Variants in BLTP3B observed in about 807,000 individuals in gnomAD.
BLTP3B encodes UHRF1 (ICBP90) binding protein 1-like.
chr12:100,095,598 C>T, the BLTP3B span: 1 of 1,540,290 alleles, frequency 6.5e-7, no homozygotes, highest in Non-Finnish European at 8.8e-7. Flanking sequence ...AAAATACCAA[C>T]AATTCCTTCT....
At chr12:100,052,789 TG>T in the BLTP3B span, among the ~76,000 whole-genome samples, 1 of 134,526 alleles carries the variant, frequency 7.4e-6, no homozygotes, top group African/African-American at 3.2e-5. Context: ...TTTTCTTTTC[TG>T]TTTTTTTTTT....
At chr12:100,068,474 T>C in the BLTP3B span, among the ~76,000 whole-genome samples, 1 of 152,158 alleles carries the variant, frequency 6.6e-6, no homozygotes, top group African/African-American at 2.4e-5. Flanking sequence ...AAGGGGAATG[T>C]AATAAAAGTA....
At chr12:100,092,961 A>G in the BLTP3B span, 1 of 985,342 alleles carries the variant, frequency 1.0e-6, no homozygotes, top group South Asian at 4.7e-5. Context: ...CGGTACTACC[A>G]ACTGTCATTC....
chr12:100,109,501 C>A, the BLTP3B span, among the ~76,000 whole-genome samples: 1 of 152,126 alleles, frequency 6.6e-6, no homozygotes. Context: ...GCGTGGCTCA[C>A]ACCTATAATC....
the BLTP3B span, among the ~76,000 whole-genome samples, chr12:100,085,798 A>C: frequency 6.6e-6 from 1 of 152,062 alleles, no homozygotes; most frequent in Non-Finnish European, 1.5e-5. Flanking sequence ...ATCTACCAAT[A>C]CCAGATTGTT....
At chr12:100,108,598 C>G in the BLTP3B span, 1 of 1,475,408 alleles carries the variant, frequency 6.8e-7, no homozygotes, top group Non-Finnish European at 9.2e-7. Context: ...TTACTATACT[C>G]CAGAGTCATT....
the BLTP3B span, among the ~76,000 whole-genome samples, chr12:100,123,750 C>A: frequency 2.0e-5 from 3 of 148,192 alleles, no homozygotes; most frequent in East Asian, 4.4e-4. Context: ...GTTTAAACTG[C>A]CTTTTTTTTT....
chr12:100,055,281 C>T, the BLTP3B span, among the ~76,000 whole-genome samples: 5 of 152,110 alleles, frequency 3.3e-5, no homozygotes, highest in Non-Finnish European at 7.4e-5. Context: ...GTTTGCCTCA[C>T]CTTTAAAATG....
At chr12:100,122,057 C>T in the BLTP3B span, among the ~76,000 whole-genome samples, 1 of 151,786 alleles carries the variant, frequency 6.6e-6, no homozygotes, top group Admixed American at 6.6e-5. Context: ...ATTACTTAAG[C>T]CCAGGAGTTC....
chr12:100,066,312 C>G, the BLTP3B span, among the ~76,000 whole-genome samples: 2 of 152,164 alleles, frequency 1.3e-5, no homozygotes, highest in African/African-American at 4.8e-5. Context: ...CCTTGTGCAA[C>G]AGTAAACTAT....
At chr12:100,058,289 T>G in the BLTP3B span, 1 of 1,613,888 alleles carries the variant, frequency 6.2e-7, no homozygotes, top group Non-Finnish European at 8.5e-7. Context: ...TTTTGTCACT[T>G]GTTTCTGATC....
chr12:100,066,618 C>T, the BLTP3B span, among the ~76,000 whole-genome samples: 3 of 149,340 alleles, frequency 2.0e-5, no homozygotes, highest in East Asian at 1.9e-4. Flanking sequence ...ACGGTGAAAC[C>T]CTGTCTCTAC....
chr12:100,053,669 C>T, the BLTP3B span, among the ~76,000 whole-genome samples: 1 of 152,080 alleles, frequency 6.6e-6, no homozygotes, highest in East Asian at 1.9e-4. Flanking sequence ...AGCCTGGAAG[C>T]ATATACACCA....
At chr12:100,120,697 C>G in the BLTP3B span, among the ~76,000 whole-genome samples, 71 of 152,042 alleles carry the variant, frequency 4.7e-4, no homozygotes, top group South Asian at 0.015. Flanking sequence ...ATGCATATAC[C>G]TAGCATATAC....
At chr12:100,136,796 CTTTTCTTTT>C in the BLTP3B span, among the ~76,000 whole-genome samples, 11 of 149,762 alleles carry the variant, frequency 7.3e-5, no homozygotes, top group South Asian at 2.1e-4. Context: ...GATAGCTTTT[CTTTTCTTTT>C]TTTTCTTTTT....
chr12:100,048,165 T>C, the BLTP3B span: 3 of 1,601,760 alleles, frequency 1.9e-6, no homozygotes, highest in South Asian at 1.1e-5. Context: ...CAGGAGAGGA[T>C]TTGGAATGAA....
At chr12:100,095,337 T>C in the BLTP3B span, among the ~76,000 whole-genome samples, 1 of 152,222 alleles carries the variant, frequency 6.6e-6, no homozygotes, top group African/African-American at 2.4e-5. Context: ...CTCTTGCCTA[T>C]AATTACCCAG....
chr12:100,077,376 G>A, the BLTP3B span, among the ~76,000 whole-genome samples: 1 of 152,204 alleles, frequency 6.6e-6, no homozygotes, highest in Non-Finnish European at 1.5e-5. Context: ...ATGATGTTAA[G>A]CAACACATGA....
At chr12:100,056,884 T>C in the BLTP3B span, among the ~76,000 whole-genome samples, 1 of 151,980 alleles carries the variant, frequency 6.6e-6, no homozygotes, top group South Asian at 2.1e-4. Context: ...TGGTATCCTA[T>C]GTTTTTGTGT....
Sources: gnomAD v4.1 joint callset for allele counts (sites outside exome capture counted in the v4.1 genomes callset) on GRCh38, gnomAD v4.1.1 for gene constraint, MANE v1.5 for transcripts, NCBI Gene and HGNC (gene_info 2026-07-23, HGNC 2026-07-21) for gene names.